Variants in CACNA2D3 observed in about 807,000 individuals in gnomAD.
CACNA2D3 encodes voltage-dependent calcium channel subunit alpha-2/delta-3.
A neutral mutation model predicts 160.6 loss-of-function variants in CACNA2D3; 60 were observed. The ratio of observed to expected loss-of-function variants is 0.37; its 90% CI spans 0.30 to 0.46. The LOEUF (loss-of-function observed/expected upper bound fraction) is 0.46. Among genes scored for constraint, CACNA2D3 ranks in the 20% least tolerant of loss-of-function variants. CACNA2D3 has a pLI of 1.00. For missense variants in CACNA2D3, 1,205 were observed against 1,365.0 expected, an observed-to-expected ratio of 0.88 and a Z score of 1.85; for synonymous variants, 558 against 492.9, an observed-to-expected ratio of 1.13 and a Z score of -1.75.
chr3:54,726,126 CAGAG>C (rs1385852543), intron 11 of CACNA2D3, among the ~76,000 whole-genome samples: 3 of 152,068 alleles, frequency 2.0e-5, no homozygotes, highest in Admixed American at 1.3e-4. Flanking sequence ...AATAGACAAA[CAGAG>C]AGCCAAATCA....
chr3:54,894,660 A>G lies in CACNA2D3; in HGVS notation c.2247-2089A>G, dbSNP rs775403342. The G allele has an allele frequency of 5.9e-6, 3 of 508,708 alleles. No homozygotes were observed. In the East Asian group the frequency reaches 1.7e-4, roughly 28 times the overall value. 31.5% of individuals were successfully genotyped at this position (508,708 alleles called of 1,614,324 possible). A position where few individuals can be genotyped will look rare whatever the true frequency, so the allele number is the denominator to read the frequency against. On this transcript the variant is annotated intron_variant, in intron 25 of 37. Coordinates refer to ENST00000474759, the MANE Select transcript of CACNA2D3 (RefSeq NM_018398.3). ...CTGCTCAGTCGTGGCTGCACCTGTG[A>G]CCCAGGGTAGAGAGTAGCAATGCAT...
intron 2 of CACNA2D3, among the ~76,000 whole-genome samples, chr3:54,305,507 T>C (rs190955102): frequency 6.6e-6 from 1 of 152,388 alleles, no homozygotes; most frequent in East Asian, 1.9e-4. Flanking sequence ...ATTTTATGTA[T>C]ATGTTTAAAG....
At chr3:54,128,893 A>T (rs149687954) in intron 2 of CACNA2D3, among the ~76,000 whole-genome samples, 2,828 of 152,322 alleles carry the variant, frequency 0.019, 97 homozygotes, top group African/African-American at 0.066. Flanking sequence ...TAATTTTTAT[A>T]CAAGAGACAT....
At chr3:54,885,022 G>T (rs986461705) in intron 21 of CACNA2D3, among the ~76,000 whole-genome samples, 1 of 152,134 alleles carries the variant, frequency 6.6e-6, no homozygotes, top group African/African-American at 2.4e-5. Flanking sequence ...TATCTTCAAG[G>T]GGTTAAGGTT....
rs71948046 is a variant in CACNA2D3 at position 55,074,207 on chromosome 3, CACTGACTGAGATGTTCTCTT to C, written c.*22_*41del. On this transcript the variant is annotated 3_prime_UTR_variant, in exon 38 of 38. Transcript: ENST00000474759. ...GCTTTTGATGCTCTTCTCAAGGTGA[CACTGACTGAGATGTTCTCTT>C]ACTGACTGAGATGTTCTCTTGGCAT... is the stretch of plus-strand genomic sequence containing the variant. 0.2 allele frequency: 316,514 copies of C among 1,588,962 alleles called. 34,441 individuals carry two copies. The highest frequency in any genetic ancestry group is 0.22 in the Non-Finnish European group (248,897 of 1,156,958).
intron 5 of CACNA2D3, among the ~76,000 whole-genome samples, chr3:54,536,230 A>G (rs1320206530): frequency 6.6e-6 from 1 of 152,176 alleles, no homozygotes; most frequent in Non-Finnish European, 1.5e-5. Flanking sequence ...AGGTCATTAT[A>G]TGTAGGGGGT....
chr3:54,553,212 A>G (rs976544076), intron 5 of CACNA2D3, among the ~76,000 whole-genome samples: 2 of 152,264 alleles, frequency 1.3e-5, no homozygotes, highest in East Asian at 1.9e-4. Flanking sequence ...TTCAGCACAC[A>G]TTAAGGACTA....
chr3:54,651,213 A>G (rs1264982216), intron 11 of CACNA2D3, among the ~76,000 whole-genome samples: 3 of 152,138 alleles, frequency 2.0e-5, no homozygotes, highest in African/African-American at 4.8e-5. Flanking sequence ...CAAGTACAGG[A>G]GGGTCTGCAG....
chr3:54,876,034 T>C (rs1471624705), intron 18 of CACNA2D3, among the ~76,000 whole-genome samples: 2 of 152,200 alleles, frequency 1.3e-5, no homozygotes, highest in African/African-American at 4.8e-5. Context: ...TTTTAATGAC[T>C]ACATAATATG....
intron 11 of CACNA2D3, among the ~76,000 whole-genome samples, chr3:54,751,351 A>G (rs1701853613): frequency 6.6e-6 from 1 of 152,242 alleles, no homozygotes; most frequent in Non-Finnish European, 1.5e-5. Context: ...TAAATTAGGA[A>G]GAAACCATTA....
intron 2 of CACNA2D3, among the ~76,000 whole-genome samples, chr3:54,285,034 C>G (rs970610576): frequency 6.6e-6 from 1 of 152,186 alleles, no homozygotes; most frequent in South Asian, 2.1e-4. Flanking sequence ...TCTGCATTTC[C>G]ATCTGAGGTA....
intron 30 of CACNA2D3, among the ~76,000 whole-genome samples, chr3:54,986,499 T>C (rs922272457): frequency 2.6e-5 from 4 of 152,168 alleles, no homozygotes; most frequent in Admixed American, 1.3e-4. Flanking sequence ...TTTCCAAGTT[T>C]CCCTGTAGTG....
chr3:54,669,679 G>A (rs951774060), intron 11 of CACNA2D3, among the ~76,000 whole-genome samples: 3 of 152,086 alleles, frequency 2.0e-5, no homozygotes, highest in African/African-American at 7.2e-5. Context: ...GGCAAATACT[G>A]CATTAGAGAA....
chr3:54,812,338 G>T (rs1465011), intron 13 of CACNA2D3, among the ~76,000 whole-genome samples: 115,237 of 152,170 alleles, frequency 0.76, 44,426 homozygotes, highest in African/African-American at 0.9. Flanking sequence ...TGTGGTACTA[G>T]GAAGGCCTGC....
chr3:54,478,746 T>TC (rs1700884237), intron 4 of CACNA2D3, among the ~76,000 whole-genome samples: 1 of 116,122 alleles, frequency 8.6e-6, no homozygotes, highest in Non-Finnish European at 1.9e-5. Flanking sequence ...TTGTCAGGTG[T>TC]ATCCACGCTG....
intron 4 of CACNA2D3, among the ~76,000 whole-genome samples, chr3:54,469,502 A>C (rs1453403829): frequency 3.3e-5 from 5 of 151,928 alleles, no homozygotes; most frequent in Admixed American, 3.3e-4. Context: ...GAAAATTCCA[A>C]AAACCAGAAT....
At chr3:54,710,705 C>G (rs974533014) in intron 11 of CACNA2D3, among the ~76,000 whole-genome samples, 1 of 152,098 alleles carries the variant, frequency 6.6e-6, no homozygotes, top group African/African-American at 2.4e-5. Flanking sequence ...ACCAGAGGCT[C>G]CAAGAGCCTC....
At chr3:54,347,891 C>G (rs1218143102) in intron 3 of CACNA2D3, among the ~76,000 whole-genome samples, 9 of 152,120 alleles carry the variant, frequency 5.9e-5, no homozygotes, top group Non-Finnish European at 1.0e-4. Context: ...TCCCATGGGG[C>G]TTGGTACACT....
intron 2 of CACNA2D3, among the ~76,000 whole-genome samples, chr3:54,218,510 T>C (rs929270766): frequency 4.6e-5 from 7 of 152,264 alleles, no homozygotes; most frequent in Admixed American, 3.3e-4. Context: ...GGTTCTGTTT[T>C]GTAACTTCTG....
Sources: allele counts gnomAD v4.1 joint callset (sites outside exome capture counted in the v4.1 genomes callset), GRCh38; gene constraint gnomAD v4.1.1; transcripts MANE v1.5; gene names NCBI Gene and HGNC (gene_info 2026-07-23, HGNC 2026-07-21).